The following SLC35F4 variants were observed in gnomAD, a reference collection of about 807,000 sequenced individuals.
SLC35F4 encodes solute carrier family 35 member F4, also known as chromosome 14 open reading frame 36.
Under a neutral mutation model 44.2 loss-of-function variants are expected in SLC35F4, and 24 were observed. That is an observed-to-expected ratio of 0.54 (90% CI 0.39 to 0.76). SLC35F4 has a LOEUF of 0.76. SLC35F4 is among the 30% of genes least tolerant of loss of function. The probability of loss-of-function intolerance (pLI) is 0.00; values close to 1 mark genes in which losing one functional copy is unlikely to be tolerated. For missense variants in SLC35F4, 562 were observed against 586.1 expected, an observed-to-expected ratio of 0.96 and a Z score of 0.42; for synonymous variants, 238 against 223.6, an observed-to-expected ratio of 1.06 and a Z score of -0.57.
intron 1 of SLC35F4, among the ~76,000 whole-genome samples, chr14:57,896,152 A>C (rs1374973185): frequency 6.6e-6 from 1 of 152,126 alleles, no homozygotes; most frequent in Non-Finnish European, 1.5e-5. Flanking sequence ...TGGAGAAAAA[A>C]TTGGAAGATA....
chr14:57,981,566 G>A (rs996405779), intron 1 of SLC35F4, among the ~76,000 whole-genome samples: 1 of 152,132 alleles, frequency 6.6e-6, no homozygotes, highest in African/African-American at 2.4e-5. Flanking sequence ...GATAGAGGAT[G>A]TATAAGTGCA....
chr14:57,597,676 A>G (rs1474871882), intron 1 of SLC35F4, among the ~76,000 whole-genome samples: 1 of 152,250 alleles, frequency 6.6e-6, no homozygotes. Context: ...AAGGATGAAC[A>G]GGACTTAATC....
At position 57,865,884 on chromosome 14, in the gene SLC35F4, G is replaced by T. The variant is rs1239698246; in HGVS notation, c.-59C>A. Reference sequence around the variant, plus strand: ...GGGCGGAGAGCGCAGCGCGGGGCCCGGGAGCTGGTGCAGGTGCCGGAGCCG... The same window carrying T: ...GGGCGGAGAGCGCAGCGCGGGGCCCTGGAGCTGGTGCAGGTGCCGGAGCCG... On this transcript the variant is annotated 5_prime_UTR_variant, in exon 1 of 8. Coordinates refer to ENST00000556826, the MANE Select transcript of SLC35F4 (RefSeq NM_001306087.2). 7.8e-7 allele frequency: 1 copy of T among 1,277,784 alleles called. No homozygotes were observed. Among genetic ancestry groups the T allele is most frequent in the South Asian group, 1.4e-5 (1 of 70,508 alleles). The allele number at this position is 1,277,784 out of a possible 1,614,324, so 79.2% of individuals were successfully genotyped here. A position where few individuals can be genotyped will look rare whatever the true frequency, so the allele number is the denominator to read the frequency against.
At chr14:57,578,773 A>G (rs1057251399) in intron 4 of SLC35F4, 5 of 152,192 alleles carry the variant, frequency 3.3e-5, no homozygotes, top group African/African-American at 1.2e-4. Context: ...ACTTATGGAT[A>G]TATTTATTAA....
At chr14:57,575,666 G>C (rs1293287113) in intron 4 of SLC35F4, among the ~76,000 whole-genome samples, 1 of 152,198 alleles carries the variant, frequency 6.6e-6, no homozygotes, top group Non-Finnish European at 1.5e-5. Context: ...TGAAGGAAGA[G>C]GATTTATTTA....
chr14:57,738,617 C>T (rs570239509), intron 1 of SLC35F4, among the ~76,000 whole-genome samples: 154 of 151,894 alleles, frequency 1.0e-3, no homozygotes, highest in African/African-American at 3.4e-3. Context: ...ATTTAACAAA[C>T]CTGCTTTTCA....
intron 4 of SLC35F4, among the ~76,000 whole-genome samples, chr14:57,575,836 G>C (rs376411743): frequency 8.9e-4 from 136 of 152,300 alleles, no homozygotes; most frequent in African/African-American, 3.0e-3. Context: ...CCCAAAGAGG[G>C]CTTTACCAGT....
chr14:57,784,607 G>A (rs1456827154), intron 1 of SLC35F4, among the ~76,000 whole-genome samples: 23 of 152,134 alleles, frequency 1.5e-4, no homozygotes, highest in Non-Finnish European at 1.5e-5. Context: ...CGCCCAGGAG[G>A]TTGACGCTGC....
intron 1 of SLC35F4, among the ~76,000 whole-genome samples, chr14:57,937,180 G>A (rs11849299): frequency 0.037 from 5,592 of 151,222 alleles, 297 homozygotes; most frequent in African/African-American, 0.11. Flanking sequence ...CAATTCTCCT[G>A]CCTCAGTCTC....
chr14:57,603,891 C>T (rs1356951137), intron 1 of SLC35F4: 1 of 152,330 alleles, frequency 6.6e-6, no homozygotes, highest in East Asian at 1.9e-4. Context: ...TATTTCCCTT[C>T]TCTATGATGT....
chr14:57,785,521 G>A (rs933763082), intron 1 of SLC35F4, among the ~76,000 whole-genome samples: 8 of 152,138 alleles, frequency 5.3e-5, no homozygotes, highest in Non-Finnish European at 7.3e-5. Context: ...CAGCAATCCC[G>A]AGAGGACCCA....
intron 1 of SLC35F4, among the ~76,000 whole-genome samples, chr14:57,754,542 C>A (rs768672455): frequency 3.0e-4 from 45 of 152,168 alleles, no homozygotes; most frequent in Non-Finnish European, 5.7e-4. Context: ...ACTCAGGAAC[C>A]AGATTTATTA....
chr14:57,627,524 C>A (rs991084844), intron 1 of SLC35F4, among the ~76,000 whole-genome samples: 3 of 152,060 alleles, frequency 2.0e-5, no homozygotes, highest in African/African-American at 7.2e-5. Context: ...TAAAAAGAAG[C>A]ATTATTTAGC....
intron 1 of SLC35F4, among the ~76,000 whole-genome samples, chr14:57,977,130 C>A (rs1462361085): frequency 6.6e-6 from 1 of 152,124 alleles, no homozygotes; most frequent in Non-Finnish European, 1.5e-5. Context: ...GGAAAAAATA[C>A]TACAGTACTT....
At chr14:57,632,981 C>A (rs963444770) in intron 1 of SLC35F4, among the ~76,000 whole-genome samples, 8 of 152,096 alleles carry the variant, frequency 5.3e-5, no homozygotes, top group African/African-American at 1.9e-4. Context: ...TCATTGGACT[C>A]ATGCAGTATA....
chr14:57,848,399 C>T (rs946169408), intron 1 of SLC35F4, among the ~76,000 whole-genome samples: 2 of 152,170 alleles, frequency 1.3e-5, no homozygotes, highest in African/African-American at 4.8e-5. Context: ...AATCTGTATA[C>T]GCTGCCCACT....
intron 1 of SLC35F4, among the ~76,000 whole-genome samples, chr14:57,791,297 C>A (rs919898412): frequency 5.3e-5 from 8 of 151,944 alleles, no homozygotes; most frequent in African/African-American, 1.9e-4. Flanking sequence ...AGAAAAAAAA[C>A]AAACAACCCC....
intron 1 of SLC35F4, among the ~76,000 whole-genome samples, chr14:57,780,961 AC>A (rs1464041393): frequency 6.6e-6 from 1 of 152,130 alleles, no homozygotes; most frequent in Non-Finnish European, 1.5e-5. Flanking sequence ...AACTATAAAA[AC>A]CCTGGAAGAA....
chr14:57,579,266 C>CT (rs1438563945), intron 4 of SLC35F4, among the ~76,000 whole-genome samples: 1 of 152,150 alleles, frequency 6.6e-6, no homozygotes, highest in African/African-American at 2.4e-5. Context: ...GTGGACAGAT[C>CT]TTTTTTGGAG....
Sources: gnomAD v4.1 joint callset for allele counts (sites outside exome capture counted in the v4.1 genomes callset) on GRCh38, gnomAD v4.1.1 for gene constraint, MANE v1.5 for transcripts, NCBI Gene and HGNC (gene_info 2026-07-23, HGNC 2026-07-21) for gene names.